RPAP2: variants seen among roughly 807,000 people sequenced by gnomAD.
RPAP2 encodes putative RNA polymerase II subunit B1 CTD phosphatase RPAP2.
RPAP2 carries 52 observed loss-of-function variants against 73.1 expected under a neutral mutation model. That is an observed-to-expected ratio of 0.71 (90% CI 0.57 to 0.90). The LOEUF (loss-of-function observed/expected upper bound fraction) is 0.90, where lower values mean the gene tolerates loss of function less well. Ranked by LOEUF, RPAP2 falls within the 40% of genes least tolerant of loss-of-function variation. RPAP2 has a pLI of 0.00. For synonymous variants in RPAP2, 225 were observed against 242.1 expected (o/e 0.93, Z 0.65); for missense variants, 598 against 701.8 (o/e 0.85, Z 1.67).
rs745743475 is a variant in RPAP2 at position 92,323,484 on chromosome 1, C to T, written c.564C>T (p.Ala188=). 9 of 1,612,354 alleles carry T rather than the reference C, an allele frequency of 5.6e-6. No homozygotes were observed. In the African/African-American group the frequency reaches 1.2e-4, roughly 22 times the overall value. ...AAGAAGTACAGTTATGCAGTAAAGCCATTAAAACATCAGATATCGACAATC... is the reference window on the plus strand; with the variant it reads ...AAGAAGTACAGTTATGCAGTAAAGCTATTAAAACATCAGATATCGACAATC... The part of the protein sequence containing the change: ...SGEEVQLCSK[A]IKTSDIDNPS... The change falls in exon 8 of 13, where the codon GCC becomes GCT. Residue 188 remains alanine (A), a synonymous_variant. Coordinates refer to ENST00000610020, the MANE Select transcript of RPAP2 (RefSeq NM_024813.3).
chr1:92,373,658 G>A (rs1422106119), intron 11 of RPAP2, among the ~76,000 whole-genome samples: 2 of 148,638 alleles, frequency 1.3e-5, no homozygotes, highest in Non-Finnish European at 3.0e-5. Context: ...CACTTTGGGA[G>A]GCCAGGGCAG....
intron 8 of RPAP2, among the ~76,000 whole-genome samples, chr1:92,326,333 A>G (rs1454070489): frequency 6.6e-6 from 1 of 152,212 alleles, no homozygotes; most frequent in African/African-American, 2.4e-5. Context: ...TCTCTCAGCC[A>G]TGGATACCAG....
chr1:92,393,078 C>CT lies in RPAP2; in HGVS notation c.*6070dup. ...AGGCATCACACTACCTGACTTCAAA[C>CT]TTTACTACAAGCCTACAGTAACCAA... On this transcript the variant is annotated 3_prime_UTR_variant, in exon 13 of 13. Coordinates refer to ENST00000610020, the MANE Select transcript of RPAP2 (RefSeq NM_024813.3). 6.6e-6 allele frequency: 1 copy of CT among 152,210 alleles called. No homozygotes were observed. Among genetic ancestry groups the CT allele is most frequent in the Non-Finnish European group, 1.5e-5 (1 of 68,048 alleles). 9.4% of individuals were successfully genotyped at this position (152,210 alleles called of 1,614,324 possible).
intron 10 of RPAP2, among the ~76,000 whole-genome samples, chr1:92,338,944 C>T (rs968914853): frequency 1.3e-5 from 2 of 152,074 alleles, no homozygotes; most frequent in Admixed American, 1.3e-4. Context: ...GCCATTCACC[C>T]TCCTGCAGAC....
chr1:92,329,724 G>T (rs1217045437), intron 8 of RPAP2, among the ~76,000 whole-genome samples: 3 of 151,956 alleles, frequency 2.0e-5, no homozygotes, highest in Non-Finnish European at 4.4e-5. Context: ...AACCAACTTT[G>T]CATTCTTATA....
intron 11 of RPAP2, among the ~76,000 whole-genome samples, chr1:92,380,467 G>C (rs947669341): frequency 6.6e-6 from 1 of 152,116 alleles, no homozygotes; most frequent in Non-Finnish European, 1.5e-5. Context: ...AATTTTAGTA[G>C]TTTTTGCTGG....
At position 92,343,402 on chromosome 1, in the gene RPAP2, A is replaced by G. The variant is rs1358777246; in HGVS notation, c.1620-2444A>G. ...CATCAAACAACGTGTCCAAAATAAA[A>G]CACTACTGAGGACAGATCTGGATAT... is the stretch of plus-strand genomic sequence containing the variant. On this transcript the variant is annotated intron_variant, in intron 10 of 12. Transcript: ENST00000610020. Among the ~76,000 whole-genome samples the G allele has an allele frequency of 2.6e-5, 4 of 152,174 alleles. No individual in the cohort carries two copies. In the East Asian group the frequency reaches 7.7e-4, roughly 29 times the overall value.
chr1:92,357,732 A>G (rs977963484), intron 11 of RPAP2, among the ~76,000 whole-genome samples: 1 of 152,206 alleles, frequency 6.6e-6, no homozygotes, highest in African/African-American at 2.4e-5. Flanking sequence ...GGGTTTTGCC[A>G]TGTTGGCCAG....
At chr1:92,369,437 T>C (rs975418698) in intron 11 of RPAP2, among the ~76,000 whole-genome samples, 1 of 152,290 alleles carries the variant, frequency 6.6e-6, no homozygotes, top group South Asian at 2.1e-4. Context: ...AGCCTCTTGT[T>C]GGGACTTCAG....
chr1:92,328,825 C>T (rs1423579582), intron 8 of RPAP2, among the ~76,000 whole-genome samples: 1 of 152,206 alleles, frequency 6.6e-6, no homozygotes, highest in African/African-American at 2.4e-5. Flanking sequence ...ATTCTTTTGT[C>T]CCACAGGGTG....
chr1:92,324,852 T>C (rs1003080309), intron 8 of RPAP2, among the ~76,000 whole-genome samples: 1 of 152,190 alleles, frequency 6.6e-6, no homozygotes, highest in Admixed American at 6.5e-5. Flanking sequence ...AAAAGAGACT[T>C]ATTGGGAAAT....
intron 11 of RPAP2, among the ~76,000 whole-genome samples, chr1:92,357,819 A>G (rs1654552322): frequency 6.6e-6 from 1 of 152,268 alleles, no homozygotes. Flanking sequence ...GGCGTGAGCC[A>G]CCATACCCTG....
At position 92,394,881 on chromosome 1, in the gene RPAP2, C is replaced by T. The variant is rs1656146564; in HGVS notation, c.*7870C>T. The T allele has an allele frequency of 2.0e-5, 3 of 152,078 alleles. No homozygotes were observed. Among genetic ancestry groups the T allele is most frequent in the Non-Finnish European group, 4.4e-5 (3 of 68,010 alleles). 9.4% of individuals were successfully genotyped at this position (152,078 alleles called of 1,614,324 possible). A position where few individuals can be genotyped will look rare whatever the true frequency, so the allele number is the denominator to read the frequency against. On this transcript the variant is annotated 3_prime_UTR_variant, in exon 13 of 13. Transcript: ENST00000610020. ...AGGATTCAGAATAGCCAAAATAATT[C>T]TGAAAATGAAGAAATAATTCTGATC... is the stretch of plus-strand genomic sequence containing the variant.
chr1:92,299,337 T>A (rs976700412), intron 1 of RPAP2, among the ~76,000 whole-genome samples, 191 bp downstream of exon 1: 1 of 152,146 alleles, frequency 6.6e-6, no homozygotes, highest in Non-Finnish European at 1.5e-5. Flanking sequence ...CCCTCACCCC[T>A]TTACGCCAGT....
rs911203905 is a variant in RPAP2 at position 92,392,700 on chromosome 1, A to T, written c.*5689A>T. On this transcript the variant is annotated 3_prime_UTR_variant, in exon 13 of 13. Coordinates refer to ENST00000610020, the MANE Select transcript of RPAP2 (RefSeq NM_024813.3). The stretch of plus-strand genomic sequence containing the variant: ...ACTTCAGCAAAGTCTCAGGATACAA[A>T]ATCGGTGTGCAAAAATCACAAGCAT... 6.6e-6 allele frequency: 1 copy of T among 152,218 alleles called. No homozygotes were observed. Among genetic ancestry groups the T allele is most frequent in the Non-Finnish European group, 1.5e-5 (1 of 68,040 alleles). The allele number at this position is 152,218 out of a possible 1,614,324, so 9.4% of individuals were successfully genotyped here.
intron 11 of RPAP2, among the ~76,000 whole-genome samples, chr1:92,371,319 A>AATATATATATATATATAT (rs1553155688): frequency 3.2e-5 from 2 of 61,724 alleles, no homozygotes; most frequent in African/African-American, 1.4e-4. Context: ...AAAAAAAAAA[A>AATATATATATATATATAT]ATATATATAT....
At chr1:92,341,300 T>C (rs1000719912) in intron 10 of RPAP2, among the ~76,000 whole-genome samples, 2 of 152,078 alleles carry the variant, frequency 1.3e-5, no homozygotes, top group South Asian at 4.1e-4. Flanking sequence ...TGAGCCACCA[T>C]ACCTGGCCTG....
At chr1:92,305,690 T>C (rs1252921783) in intron 5 of RPAP2, among the ~76,000 whole-genome samples, 1 of 151,630 alleles carries the variant, frequency 6.6e-6, no homozygotes, top group Non-Finnish European at 1.5e-5. Flanking sequence ...AATAGAAAAA[T>C]TTACACAAGG....
At chr1:92,331,674 A>G (rs1652976380) in intron 8 of RPAP2, among the ~76,000 whole-genome samples, 2 of 152,232 alleles carry the variant, frequency 1.3e-5, no homozygotes, top group Non-Finnish European at 2.9e-5. Context: ...CTAAATTTCA[A>G]ATATATTGCA....
Sources: allele counts gnomAD v4.1 joint callset (sites outside exome capture counted in the v4.1 genomes callset), GRCh38; gene constraint gnomAD v4.1.1; transcripts MANE v1.5; gene names NCBI Gene and HGNC (gene_info 2026-07-23, HGNC 2026-07-21).